WWOX: variants seen among roughly 807,000 people sequenced by gnomAD.
WWOX encodes the protein WW domain-containing oxidoreductase.
In WWOX, 69 loss-of-function variants were observed where a neutral mutation model predicts 46.2. That is an observed-to-expected ratio of 1.49 (90% CI 1.23 to 1.82). The LOEUF (loss-of-function observed/expected upper bound fraction) is 1.82. WWOX is among the 40% of genes most tolerant of loss of function. The probability of loss-of-function intolerance (pLI) is 0.00; values close to 1 mark genes in which losing one functional copy is unlikely to be tolerated. For missense variants in WWOX, 919 were observed against 542.6 expected (o/e 1.69, Z -6.89); for synonymous variants, 359 against 202.6 (o/e 1.77, Z -6.56).
intron 8 of WWOX, chr16:78,535,688 C>G (rs2043741946): frequency 6.6e-6 from 1 of 152,230 alleles, no homozygotes; most frequent in Non-Finnish European, 1.5e-5. Flanking sequence ...TTAATCTCGT[C>G]TTCTTTGTTA....
intron 8 of WWOX, among the ~76,000 whole-genome samples, chr16:78,754,692 G>C (rs1218172140): frequency 2.6e-5 from 4 of 152,102 alleles, no homozygotes; most frequent in Non-Finnish European, 5.9e-5. Context: ...CATGGCTTTG[G>C]TTATGCAGTG....
At chr16:79,091,755 G>T (rs893691308) in intron 8 of WWOX, among the ~76,000 whole-genome samples, 1 of 149,746 alleles carries the variant, frequency 6.7e-6, no homozygotes, top group Non-Finnish European at 1.5e-5. Flanking sequence ...ACACCCGACC[G>T]CATCTTTTTC....
chr16:78,861,128 C>T lies in WWOX; in HGVS notation c.1057-350480C>T, dbSNP rs572991884. Reference sequence around the variant, plus strand: ...AGCCACTGTGCACAGCCTCAGAGGTCCTGTCTGCCTGCCTGCCTTTCCTCC... The same window carrying T: ...AGCCACTGTGCACAGCCTCAGAGGTTCTGTCTGCCTGCCTGCCTTTCCTCC... On this transcript the variant is annotated intron_variant, in intron 8 of 8. Transcript: ENST00000566780. Among the ~76,000 whole-genome samples the T allele has an allele frequency of 6.1e-4, 93 of 152,124 alleles. 1 individual carries two copies. The highest frequency in any genetic ancestry group is 4.2e-3 in the Admixed American group (64 of 15,278).
At chr16:78,882,203 C>T (rs577499651) in intron 8 of WWOX, among the ~76,000 whole-genome samples, 1 of 152,276 alleles carries the variant, frequency 6.6e-6, no homozygotes, top group Non-Finnish European at 1.5e-5. Flanking sequence ...GAATAAGTGT[C>T]ATAAAGCCAA....
intron 8 of WWOX, among the ~76,000 whole-genome samples, chr16:78,968,072 G>C (rs898842272): frequency 1.3e-5 from 2 of 151,814 alleles, no homozygotes; most frequent in Admixed American, 1.3e-4. Flanking sequence ...TGTGTGGTCT[G>C]TATGGCACAG....
chr16:78,703,294 C>T (rs1017342431), intron 8 of WWOX, among the ~76,000 whole-genome samples: 1 of 152,144 alleles, frequency 6.6e-6, no homozygotes, highest in Non-Finnish European at 1.5e-5. Context: ...AGCTTCTCTC[C>T]CATCTTTCCT....
At chr16:78,677,606 G>C (rs1440291291) in intron 8 of WWOX, among the ~76,000 whole-genome samples, 1 of 152,132 alleles carries the variant, frequency 6.6e-6, no homozygotes, top group Non-Finnish European at 1.5e-5. Context: ...TTACAGTGTG[G>C]GACACCTGAC....
chr16:78,708,669 G>T (rs2048375440), intron 8 of WWOX, among the ~76,000 whole-genome samples: 1 of 152,178 alleles, frequency 6.6e-6, no homozygotes, highest in South Asian at 2.1e-4. Flanking sequence ...ACTGGGATTA[G>T]AACCCAGTGA....
At chr16:78,260,936 C>CA (rs35410839) in intron 5 of WWOX, among the ~76,000 whole-genome samples, 6,026 of 62,168 alleles carry the variant, frequency 0.097, 397 homozygotes, top group African/African-American at 0.2. Context: ...GACTCCATCT[C>CA]AAAAAAAAAA....
At chr16:78,166,696 C>A (rs1187423703) in intron 5 of WWOX, 1 of 152,102 alleles carries the variant, frequency 6.6e-6, no homozygotes. Flanking sequence ...GTAGCCGGGA[C>A]TACAGGCACG....
chr16:78,443,711 G>C (rs2083496801), intron 8 of WWOX, among the ~76,000 whole-genome samples: 1 of 152,142 alleles, frequency 6.6e-6, no homozygotes, highest in Non-Finnish European at 1.5e-5. Context: ...TATCTTCCCG[G>C]TTTCCTTTTC....
intron 8 of WWOX, among the ~76,000 whole-genome samples, chr16:78,707,114 C>T (rs1186194737): frequency 6.6e-6 from 1 of 152,168 alleles, no homozygotes; most frequent in Non-Finnish European, 1.5e-5. Context: ...TATCACAGAG[C>T]CTTCCTATAG....
At chr16:79,192,515 A>T (rs2051157053) in intron 8 of WWOX, among the ~76,000 whole-genome samples, 1 of 152,174 alleles carries the variant, frequency 6.6e-6, no homozygotes, top group Admixed American at 6.5e-5. Flanking sequence ...TAACAACTGA[A>T]AAAGATGTGA....
intron 8 of WWOX, among the ~76,000 whole-genome samples, chr16:78,604,142 AAAT>A (rs1469268151): frequency 6.6e-6 from 1 of 152,054 alleles, no homozygotes; most frequent in Non-Finnish European, 1.5e-5. Context: ...CTTGTCTAAA[AAAT>A]AAATAAATAA....
At chr16:78,323,373 G>C (rs934814340) in intron 5 of WWOX, among the ~76,000 whole-genome samples, 1 of 152,164 alleles carries the variant, frequency 6.6e-6, no homozygotes, top group African/African-American at 2.4e-5. Context: ...CTAAAGTGCT[G>C]GGATTACAGG....
chr16:78,772,836 T>A (rs117502135), intron 8 of WWOX, among the ~76,000 whole-genome samples: 3,144 of 152,132 alleles, frequency 0.021, 51 homozygotes, highest in South Asian at 0.044. Context: ...CTGGACAACA[T>A]AGCGTGAACT....
chr16:78,460,927 G>T (rs751685302), intron 8 of WWOX, among the ~76,000 whole-genome samples: 19 of 152,214 alleles, frequency 1.2e-4, no homozygotes, highest in Non-Finnish European at 2.6e-4. Context: ...AGGCCCTCCA[G>T]ATATCAGTAG....
At chr16:78,716,516 G>A (rs940045165) in intron 8 of WWOX, among the ~76,000 whole-genome samples, 1 of 152,144 alleles carries the variant, frequency 6.6e-6, no homozygotes, top group Non-Finnish European at 1.5e-5. Flanking sequence ...TATTTTAGGG[G>A]ATGCCCTCAC....
intron 8 of WWOX, among the ~76,000 whole-genome samples, chr16:78,575,049 ATAT>A (rs2044833960): frequency 1.2e-3 from 13 of 11,088 alleles, no homozygotes; most frequent in Non-Finnish European, 2.2e-3. Flanking sequence ...ATATATATAT[ATAT>A]ATATATATAT....
Sources: gnomAD v4.1 joint callset for allele counts (sites outside exome capture counted in the v4.1 genomes callset) on GRCh38, gnomAD v4.1.1 for gene constraint, MANE v1.5 for transcripts, NCBI Gene and HGNC (gene_info 2026-07-23, HGNC 2026-07-21) for gene names.